UMODL1: variants seen among roughly 807,000 people sequenced by gnomAD.
The protein encoded by UMODL1 is uromodulin like 1, also known as uromodulin-like 1.
In UMODL1, 128 loss-of-function variants were observed where a neutral mutation model predicts 136.3. The ratio of observed to expected loss-of-function variants is 0.94; its 90% CI spans 0.81 to 1.09. The LOEUF (loss-of-function observed/expected upper bound fraction) is 1.09, where lower values mean the gene tolerates loss of function less well. Ranked by LOEUF, UMODL1 falls within the 50% of genes least tolerant of loss-of-function variation. The pLI is 0.00. For missense variants in UMODL1, 1,766 were observed against 1,725.6 expected, an observed-to-expected ratio of 1.02 and a Z score of -0.41; for synonymous variants, 721 against 720.0, an observed-to-expected ratio of 1.00 and a Z score of -0.02.
intron 9 of UMODL1, among the ~76,000 whole-genome samples, chr21:42,108,112 G>A (rs535785722): frequency 4.6e-5 from 7 of 152,338 alleles, no homozygotes; most frequent in East Asian, 1.9e-4. Flanking sequence ...CTCTGAGCTC[G>A]CTTGGGAGCT....
chr21:42,079,726 GGA>G (rs1272793007), intron 2 of UMODL1, among the ~76,000 whole-genome samples: 1 of 152,234 alleles, frequency 6.6e-6, no homozygotes, highest in Non-Finnish European at 1.5e-5. Flanking sequence ...CTGCATGTGG[GGA>G]TCCAGGCTAG....
In UMODL1 at chr21:42,127,762, C is replaced by T. The variant is rs186094454; in HGVS notation, c.3621C>T (p.Asn1207=). ...QFKLRIFSFI[N]DSIVYLHCKL... ...AGCTGAGGATCTTTTCCTTTATCAA[C>T]GACTCCATCGTCTACCTGCACTGCA... The change falls in exon 20 of 23, where the codon AAC becomes AAT. Residue 1207 remains asparagine (N), a synonymous_variant. Coordinates refer to ENST00000408910, the MANE Select transcript of UMODL1 (RefSeq NM_001004416.3). The T allele has an allele frequency of 2.8e-4, 444 of 1,614,200 alleles. 2 individuals are homozygous for T. In the Admixed American group the frequency reaches 5.8e-3, roughly 21 times the overall value.
At chr21:42,116,097 G>A in intron 14 of UMODL1, 112 bp downstream of exon 14, 2 of 720,964 alleles carry the variant, frequency 2.8e-6, no homozygotes, top group Non-Finnish European at 4.5e-6. Flanking sequence ...CACTTTGGGA[G>A]GCAGAGGCGG....
upstream of UMODL1, among the ~76,000 whole-genome samples, chr21:42,067,855 C>T (rs2066195902): frequency 6.6e-6 from 1 of 152,232 alleles, no homozygotes; most frequent in Admixed American, 6.5e-5. Context: ...CAACTGCTGC[C>T]CGTGGAGGGC....
rs528661575 is a variant in UMODL1, at chr21:42,111,128, A to T, written c.1899+7A>T. 1 of 1,604,422 alleles carries T rather than the reference A, an allele frequency of 6.2e-7. No homozygotes were observed. Among genetic ancestry groups the T allele is most frequent in the African/African-American group, 1.3e-5 (1 of 74,844 alleles). On this transcript the variant is annotated splice_region_variant and intron_variant, in intron 11 of 22. Transcript: ENST00000408910. Reference sequence around the variant, plus strand: ...AAAAGGCGTGGAGCAGGAGGTGCCCAGCACTGCCCCGGGTCTGGGGATGGA... The same window carrying T: ...AAAAGGCGTGGAGCAGGAGGTGCCCTGCACTGCCCCGGGTCTGGGGATGGA...
intron 7 of UMODL1, among the ~76,000 whole-genome samples, chr21:42,100,095 A>G (rs947491196): frequency 1.1e-4 from 16 of 152,014 alleles, no homozygotes; most frequent in African/African-American, 3.6e-4. Flanking sequence ...ACTTGGTCAG[A>G]TGAGGCCTGG....
At chr21:42,135,959 G>T (rs1418404891) in intron 21 of UMODL1, among the ~76,000 whole-genome samples, 1 of 152,210 alleles carries the variant, frequency 6.6e-6, no homozygotes, top group Non-Finnish European at 1.5e-5. Context: ...GATCTCAGAT[G>T]CTCCTGGTTG....
chr21:42,106,474 T>C (rs572851893), intron 9 of UMODL1, among the ~76,000 whole-genome samples: 79 of 152,330 alleles, frequency 5.2e-4, no homozygotes, highest in Non-Finnish European at 1.1e-3. Flanking sequence ...TGCGTCCACA[T>C]GTCCCAACCC....
chr21:42,098,806 G>T (rs1198812898), intron 6 of UMODL1, 120 bp from the exon 7 acceptor site: 1 of 1,455,408 alleles, frequency 6.9e-7, no homozygotes, highest in Non-Finnish European at 9.3e-7. Flanking sequence ...GTTCTGGATG[G>T]GTCAACTTGA....
rs144110878 is a variant in UMODL1 at position 42,128,492 on chromosome 21, C to T, written c.3690+661C>T. 4.6e-5 allele frequency among the ~76,000 whole-genome samples: 7 copies of T among 152,348 alleles called. No individual in the cohort carries two copies. The East Asian group carries it at 1.4e-3, about 29-fold the overall frequency. ...TCCTCGGAGGTAGTGCTTGTTCCTG[C>T]TCTCATCTGAGCTGTTTTCCTGGGT... On this transcript the variant is annotated intron_variant, in intron 20 of 22. Coordinates refer to ENST00000408910, the MANE Select transcript of UMODL1 (RefSeq NM_001004416.3).
chr21:42,141,455 G>A (rs572306122), intron 22 of UMODL1, among the ~76,000 whole-genome samples: 1 of 152,348 alleles, frequency 6.6e-6, no homozygotes, highest in African/African-American at 2.4e-5. Flanking sequence ...AAATGTCAGT[G>A]CCTTTTACTT....
In UMODL1 at chr21:42,119,930, A is replaced by G. The variant is rs144844562; in HGVS notation, c.2689+606A>G. Among the ~76,000 whole-genome samples, 772 of 152,376 alleles carry G rather than the reference A, an allele frequency of 5.1e-3. 3 individuals carry two copies. The highest frequency in any genetic ancestry group is 8.3e-3 in the Non-Finnish European group (564 of 68,036). On this transcript the variant is annotated intron_variant, in intron 15 of 22. Transcript: ENST00000408910. ...AGAGATAAATCAAAATAAAGGCACCATTTTAACGCAAAGTAAACAAAAAAT... is the reference window on the plus strand; with the variant it reads ...AGAGATAAATCAAAATAAAGGCACCGTTTTAACGCAAAGTAAACAAAAAAT...
At chr21:42,114,230 C>T (rs982665450) in intron 13 of UMODL1, among the ~76,000 whole-genome samples, 1 of 152,214 alleles carries the variant, frequency 6.6e-6, no homozygotes, top group African/African-American at 2.4e-5. Flanking sequence ...AACAGACAAT[C>T]GGCAGTCACA....
At chr21:42,135,023 C>T (rs908185104) in intron 21 of UMODL1, among the ~76,000 whole-genome samples, 3 of 152,176 alleles carry the variant, frequency 2.0e-5, no homozygotes, top group Non-Finnish European at 4.4e-5. Flanking sequence ...CCCATCAACC[C>T]ATCATCTAGG....
chr21:42,075,409 G>T (rs76687752), intron 1 of UMODL1, among the ~76,000 whole-genome samples: 470 of 152,230 alleles, frequency 3.1e-3, no homozygotes, highest in African/African-American at 0.01. Context: ...GCCACAGAGC[G>T]ACCGCACTCC....
intron 6 of UMODL1, chr21:42,093,853 C>G (rs1212578413): frequency 2.2e-6 from 1 of 456,120 alleles, no homozygotes; most frequent in South Asian, 1.6e-5. Context: ...ACACTGAGAA[C>G]ACTCCTGTAC....
upstream of UMODL1, among the ~76,000 whole-genome samples, chr21:42,068,814 A>G (rs2066204556): frequency 6.6e-6 from 1 of 152,162 alleles, no homozygotes. The surrounding 1 kb of genome is among the most constrained non-coding windows in gnomAD (Gnocchi z 5.5). Flanking sequence ...GTCGGTGCAC[A>G]TGTGAGTGTG....
chr21:42,079,735 C>A (rs1215625102), intron 2 of UMODL1, among the ~76,000 whole-genome samples: 1 of 152,204 alleles, frequency 6.6e-6, no homozygotes, highest in East Asian at 1.9e-4. Flanking sequence ...GGGATCCAGG[C>A]TAGGGGAGGC....
intron 9 of UMODL1, among the ~76,000 whole-genome samples, chr21:42,107,303 G>C (rs956444753): frequency 6.6e-6 from 1 of 152,182 alleles, no homozygotes; most frequent in Non-Finnish European, 1.5e-5. Flanking sequence ...ATCCTTCTGC[G>C]TAAGAGGCCT....
Sources: allele counts gnomAD v4.1 joint callset (sites outside exome capture counted in the v4.1 genomes callset), GRCh38; gene constraint gnomAD v4.1.1; non-coding constraint Gnocchi (gnomAD v3.1); transcripts MANE v1.5; gene names NCBI Gene and HGNC (gene_info 2026-07-23, HGNC 2026-07-21).